The following PAX6 variants were observed in gnomAD, a reference collection of about 807,000 sequenced individuals.
PAX6 encodes paired box 6.
A neutral mutation model predicts 60.7 loss-of-function variants in PAX6; 7 were observed. The ratio of observed to expected loss-of-function variants is 0.12; its 90% CI spans 0.07 to 0.22. PAX6 has a LOEUF of 0.22. Ranked by LOEUF, PAX6 falls within the 10% of genes least tolerant of loss-of-function variation. PAX6 has a pLI of 1.00. For synonymous variants in PAX6, 208 were observed against 201.2 expected, an observed-to-expected ratio of 1.03 and a Z score of -0.29; for missense variants, 355 against 555.2, an observed-to-expected ratio of 0.64 and a Z score of 3.62.
At chr11:31,793,985 CA>C in intron 10 of PAX6, 46 bp downstream of exon 10, 1 of 1,368,532 alleles carries the variant, frequency 7.3e-7, no homozygotes, top group Middle Eastern at 1.8e-4. Context: ...CTAGGAAAGA[CA>C]AATGGTATGA....
chr11:31,813,948 T>G (rs970892260), upstream of PAX6, among the ~76,000 whole-genome samples: 5 of 152,038 alleles, frequency 3.3e-5, no homozygotes, highest in Non-Finnish European at 7.4e-5. Context: ...GGGCCGAGAC[T>G]GAGGTGCGGG....
intron 12 of PAX6, chr11:31,791,647 T>C (rs1950017210): frequency 6.5e-6 from 1 of 152,972 alleles, no homozygotes; most frequent in South Asian, 2.1e-4. Context: ...GCAGGTCAGA[T>C]GATAGTACAG....
chr11:31,806,379 C>T lies in PAX6; in HGVS notation c.10+23G>A, dbSNP rs774096386. 4 of 1,605,946 alleles carry T rather than the reference C, an allele frequency of 2.5e-6. No individual in the cohort carries two copies. The South Asian group carries it at 4.5e-5, about 18-fold the overall frequency. The stretch of plus-strand genomic sequence containing the variant: ...GTCCGCGCACCCCGAGCCCGAAGTC[C>T]CAGAAAGACCAGAGGCACTTACTGT... On this transcript the variant is annotated intron_variant, in intron 4 of 13. Coordinates refer to ENST00000640368, the MANE Select transcript of PAX6 (RefSeq NM_001368894.2).
At chr11:31,799,580 G>C (rs952519492) in intron 8 of PAX6, among the ~76,000 whole-genome samples, 1 of 152,216 alleles carries the variant, frequency 6.6e-6, no homozygotes, top group African/African-American at 2.4e-5. Context: ...AGAGCGACAG[G>C]ATTGTTCCCA....
chr11:31,792,937 A>T (rs548956829), intron 12 of PAX6: 72 of 356,802 alleles, frequency 2.0e-4, no homozygotes, highest in African/African-American at 9.5e-4. Context: ...TGTATATCTC[A>T]CCATGTAAAT....
At chr11:31,794,873 A>G (rs961288447) in intron 8 of PAX6, 85 bp from the exon 9 acceptor site, 65 of 1,259,888 alleles carry the variant, frequency 5.2e-5, no homozygotes, top group Non-Finnish European at 7.3e-5. Flanking sequence ...TTAAACTCCA[A>G]GAGCATTATA....
At chr11:31,803,147 AAC>A (rs1954668936) in intron 4 of PAX6, 1 of 435,926 alleles carries the variant, frequency 2.3e-6, no homozygotes, top group Admixed American at 3.5e-5. Flanking sequence ...CTGCAGCAGC[AAC>A]ACAGAGTCAG....
chr11:31,809,493 G>A (rs554391930), intron 2 of PAX6: 2 of 152,220 alleles, frequency 1.3e-5, no homozygotes, highest in East Asian at 1.9e-4. Context: ...CATGAATGAA[G>A]AGCCAGGTTT....
upstream of PAX6, among the ~76,000 whole-genome samples, chr11:31,815,364 A>C (rs1020664849): frequency 6.6e-6 from 1 of 152,158 alleles, no homozygotes; most frequent in African/African-American, 2.4e-5. Flanking sequence ...AAGGAAAAGC[A>C]AGCAAGTCAA....
At chr11:31,801,993 TA>T in intron 5 of PAX6, 81 bp from the exon 6 acceptor site, 1 of 1,104,414 alleles carries the variant, frequency 9.1e-7, no homozygotes, top group Non-Finnish European at 1.4e-6. Flanking sequence ...TTTGTAGCCC[TA>T]AAAACTACAA....
At chr11:31,798,662 G>C (rs951576466) in intron 8 of PAX6, among the ~76,000 whole-genome samples, 11 of 152,282 alleles carry the variant, frequency 7.2e-5, no homozygotes, top group African/African-American at 2.4e-4. Flanking sequence ...CCTCACTTGC[G>C]GGTGGGGGGG....
upstream of PAX6, among the ~76,000 whole-genome samples, chr11:31,815,865 G>A (rs1185245764): frequency 6.6e-5 from 10 of 152,112 alleles, no homozygotes; most frequent in Admixed American, 6.5e-4. Context: ...TTCCAAACCT[G>A]GCTAGCGGGG....
At chr11:31,813,067 C>G (rs1957196896), upstream of PAX6, 1 of 152,054 alleles carries the variant, frequency 6.6e-6, no homozygotes. Flanking sequence ...GGTGGGGTCG[C>G]ATAACCCTCT....
chr11:31,796,750 G>C (rs3026380), intron 8 of PAX6, among the ~76,000 whole-genome samples: 39,729 of 151,978 alleles, frequency 0.26, 5,896 homozygotes, highest in Non-Finnish European at 0.33. Flanking sequence ...AGAATGCTGA[G>C]AGGAAAAAGA....
At chr11:31,807,989 T>G (rs1168146104) in intron 2 of PAX6, 1 of 152,110 alleles carries the variant, frequency 6.6e-6, no homozygotes, top group Non-Finnish European at 1.5e-5. Flanking sequence ...GGTAATTGTG[T>G]TACTGGTGTG....
intron 4 of PAX6, chr11:31,803,876 T>C (rs1330267752): frequency 6.6e-6 from 1 of 152,312 alleles, no homozygotes; most frequent in Non-Finnish European, 1.5e-5. Flanking sequence ...TTAGCCCCTC[T>C]TTGTAGTCCC....
chr11:31,790,115 A>AC lies in PAX6; in HGVS notation c.1226-97_1226-96insG, dbSNP rs1565183795. 4.4e-5 allele frequency: 35 copies of AC among 791,912 alleles called. No homozygotes were observed. In the African/African-American group the frequency reaches 6.0e-4, roughly 14 times the overall value. The allele number at this position is 791,912 out of a possible 1,614,324, so 49.1% of individuals were successfully genotyped here. On this transcript the variant is annotated intron_variant, in intron 13 of 13. Transcript: ENST00000640368. ...AGGTTTACAAAAAAAAAAAAAAAAA[A>AC]AAAAACTAATACTTTCTAACATTTT...
intron 13 of PAX6, chr11:31,790,497 A>G: frequency 1.0e-6 from 1 of 985,096 alleles, no homozygotes; most frequent in Non-Finnish European, 1.2e-6. Context: ...AACTTTTGTG[A>G]CCAAATTCAG....
chr11:31,801,037 C>A, intron 7 of PAX6, 181 bp from the exon 8 acceptor site: 1 of 788,602 alleles, frequency 1.3e-6, no homozygotes, highest in South Asian at 1.5e-5. Flanking sequence ...TCACTTTGGG[C>A]ATGGAAATTT....
Sources: gnomAD v4.1 joint callset for allele counts (sites outside exome capture counted in the v4.1 genomes callset) on GRCh38, gnomAD v4.1.1 for gene constraint, MANE v1.5 for transcripts, NCBI Gene and HGNC (gene_info 2026-07-23, HGNC 2026-07-21) for gene names.